SHANK1: variants seen among roughly 807,000 people sequenced by gnomAD.
The protein encoded by SHANK1 is SH3 and multiple ankyrin repeat domains 1, also known as SH3 and multiple ankyrin repeat domains protein 1.
In SHANK1, 35 loss-of-function variants were observed where a neutral mutation model predicts 165.6. That is an observed-to-expected ratio of 0.21 (90% CI 0.16 to 0.28). SHANK1 has a LOEUF of 0.28. Ranked by LOEUF, SHANK1 falls within the 10% of genes least tolerant of loss-of-function variation. The pLI, the probability that SHANK1 is intolerant of heterozygous loss-of-function variation, is 1.00. For synonymous variants in SHANK1, 1,428 were observed against 1,384.8 expected, an observed-to-expected ratio of 1.03 and a Z score of -0.69; for missense variants, 2,681 against 3,036.4, an observed-to-expected ratio of 0.88 and a Z score of 2.75.
In SHANK1 at chr19:50,666,881, G is replaced by A. The variant is rs1047968098; in HGVS notation, c.5079C>T (p.Ser1693=). The A allele has an allele frequency of 1.0e-5, 16 of 1,585,092 alleles. No individual in the cohort carries two copies. The highest frequency in any genetic ancestry group is 1.3e-5 in the African/African-American group (1 of 74,540). ...SSDHPLETIS[S]ASTLSSLSAE... is the part of the protein sequence containing the mutation. Reference sequence around the variant, plus strand: ...CAGATAGGCTGCTCAGCGTGGAGGCGCTGCTGATGGTCTCCAGTGGGTGGT... The same window carrying A: ...CAGATAGGCTGCTCAGCGTGGAGGCACTGCTGATGGTCTCCAGTGGGTGGT... The change falls in exon 23 of 24, where the codon AGC becomes AGT. Residue 1693 remains serine (S), a synonymous_variant. Transcript: ENST00000293441.
At chr19:50,689,046 G>A in intron 16 of SHANK1, 78 bp from the exon 17 acceptor site, 1 of 1,187,168 alleles carries the variant, frequency 8.4e-7, no homozygotes, top group Non-Finnish European at 1.2e-6. Context: ...TCAGACCCAA[G>A]TCACGGAGGC....
In SHANK1 at chr19:50,686,651, G is replaced by A; in HGVS notation, c.2458+93C>T. 8.1e-7 allele frequency: 1 copy of A among 1,229,372 alleles called. No individual in the cohort carries two copies. The highest frequency in any genetic ancestry group is 2.4e-5 in the East Asian group (1 of 41,410). The allele number at this position is 1,229,372 out of a possible 1,614,324, so 76.2% of individuals were successfully genotyped here. A position where few individuals can be genotyped will look rare whatever the true frequency, so the allele number is the denominator to read the frequency against. On this transcript the variant is annotated intron_variant, in intron 20 of 23. Coordinates refer to ENST00000293441, the MANE Select transcript of SHANK1 (RefSeq NM_016148.5). The surrounding 1 kb of genome is among the most constrained non-coding windows in gnomAD (Gnocchi z 5.7). ...CGCAGCCTCTCTGGGGCAGGAAGGTGAGGGGCGCCGTGGGGTTCATGGTGG... is the reference window on the plus strand; with the variant it reads ...CGCAGCCTCTCTGGGGCAGGAAGGTAAGGGGCGCCGTGGGGTTCATGGTGG...
At position 50,713,047 on chromosome 19, in the gene SHANK1, T is replaced by C. The variant is rs1447219335; in HGVS notation, c.792+751A>G. 1.3e-5 allele frequency among the ~76,000 whole-genome samples: 2 copies of C among 151,910 alleles called. No individual in the cohort carries two copies. Among genetic ancestry groups the C allele is most frequent in the African/African-American group, 4.8e-5 (2 of 41,308 alleles). On this transcript the variant is annotated intron_variant, in intron 6 of 23. Transcript: ENST00000293441. This position sits in a 1 kb window ranked among gnomAD's most constrained non-coding sequence, Gnocchi z 6.2. ...TCCAGGGGTATACTGCAGATCTTTG[T>C]GGCTGGCATCTGACTGCATTAGGGG... is the stretch of plus-strand genomic sequence containing the variant.
At chr19:50,704,252 G>T in intron 9 of SHANK1, 66 bp from the exon 10 acceptor site, 2 of 1,518,832 alleles carry the variant, frequency 1.3e-6, no homozygotes, top group Non-Finnish European at 1.8e-6. Context: ...GGCAGGGAAC[G>T]TGGCGAGGTC....
intron 12 of SHANK1, 93 bp from the exon 13 acceptor site, chr19:50,698,049 C>G: frequency 2.2e-6 from 2 of 907,104 alleles, no homozygotes; most frequent in South Asian, 2.9e-5. Context: ...CCCACAGTTA[C>G]CAGCTCCTGG....
At position 50,686,419 on chromosome 19, in the gene SHANK1, C is replaced by A; in HGVS notation, c.2459-64G>T. ...AAATGAAGTTTGCTTTGACCCGGGC[C>A]GCAAAGACCAGAGCTGCCGCCCGCA... is the stretch of plus-strand genomic sequence containing the variant. On this transcript the variant is annotated intron_variant, in intron 20 of 23. Transcript: ENST00000293441. This position sits in a 1 kb window ranked among gnomAD's most constrained non-coding sequence, Gnocchi z 5.7. The A allele has an allele frequency of 1.6e-6, 2 of 1,220,520 alleles. No homozygotes were observed. Among genetic ancestry groups the A allele is most frequent in the South Asian group, 1.4e-5 (1 of 69,928 alleles). The allele number at this position is 1,220,520 out of a possible 1,614,324, so 75.6% of individuals were successfully genotyped here. A position where few individuals can be genotyped will look rare whatever the true frequency, so the allele number is the denominator to read the frequency against.
chr19:50,688,572 C>T lies in SHANK1; in HGVS notation c.2172+272G>A, dbSNP rs907692578. On this transcript the variant is annotated intron_variant, in intron 17 of 23. Transcript: ENST00000293441. This position sits in a 1 kb window ranked among gnomAD's most constrained non-coding sequence, Gnocchi z 6.7. ...ATCCACCTGCTTCAGCCTCCCAAAG[C>T]ACTGGGATCACAGGCGTGAGCCGCT... is the stretch of plus-strand genomic sequence containing the variant. Among the ~76,000 whole-genome samples, 1 of 152,178 alleles carries T rather than the reference C, an allele frequency of 6.6e-6. No homozygotes were observed. The highest frequency in any genetic ancestry group is 1.5e-5 in the Non-Finnish European group (1 of 68,034).
At position 50,716,859 on chromosome 19, in the gene SHANK1, C is replaced by A; in HGVS notation, c.61G>T (p.Glu21Ter). Residue 21 changes from glutamate (E) to a stop codon, truncating the protein, a stop_gained, in exon 2 of 24, where the codon GAG becomes TAG. Transcript: ENST00000293441. LOFTEE classifies it high-confidence loss of function. This position sits in a 1 kb window ranked among gnomAD's most constrained non-coding sequence, Gnocchi z 8.4. Reference protein sequence around the residue: ...EERHSASECPEGGSESDSSPD... With the variant: ...EERHSASECP ...GAGCTGTCGGACTCTGAGCCCCCCT[C>A]GGGACACTCGCTGGCACTGTGGCGT... 6.6e-7 allele frequency: 1 copy of A among 1,523,202 alleles called. No individual in the cohort carries two copies. The highest frequency in any genetic ancestry group is 8.8e-7 in the Non-Finnish European group (1 of 1,137,320). The allele number at this position is 1,523,202 out of a possible 1,614,324, so 94.4% of individuals were successfully genotyped here. A position where few individuals can be genotyped will look rare whatever the true frequency, so the allele number is the denominator to read the frequency against.
chr19:50,687,151 C>A (rs1016411632), intron 19 of SHANK1: 1 of 593,134 alleles, frequency 1.7e-6, no homozygotes, highest in Non-Finnish European at 2.8e-6. Flanking sequence ...TGGGGGCGGT[C>A]AGCTGTCCGA....
Position 50,686,709 on chromosome 19 carries a change from C to T in SHANK1, c.2458+35G>A. On this transcript the variant is annotated intron_variant, in intron 20 of 23. Transcript: ENST00000293441. The surrounding 1 kb of genome is among the most constrained non-coding windows in gnomAD (Gnocchi z 5.7). Reference sequence around the variant, plus strand: ...ATGCAGCGGGTGCCGGGGCTGGGGCCCGGCATCCCGAGGAGCAGGGCTGGG... The same window carrying T: ...ATGCAGCGGGTGCCGGGGCTGGGGCTCGGCATCCCGAGGAGCAGGGCTGGG... 6 of 1,602,954 alleles carry T rather than the reference C, an allele frequency of 3.7e-6. No individual in the cohort carries two copies. The highest frequency in any genetic ancestry group is 4.3e-6 in the Non-Finnish European group (5 of 1,171,512).
chr19:50,681,479 G>A (rs1986177843), intron 21 of SHANK1, among the ~76,000 whole-genome samples: 1 of 152,142 alleles, frequency 6.6e-6, no homozygotes, highest in Non-Finnish European at 1.5e-5. Context: ...CTCCTCTGGG[G>A]GTGGAGGTCT....
chr19:50,674,632 T>TAGCCA (rs1186652428), intron 21 of SHANK1, among the ~76,000 whole-genome samples: 3 of 152,144 alleles, frequency 2.0e-5, no homozygotes, highest in Non-Finnish European at 4.4e-5. Flanking sequence ...GAGCAGCCAC[T>TAGCCA]AGCCATTCAA....
intron 21 of SHANK1, among the ~76,000 whole-genome samples, chr19:50,675,359 G>A (rs369240766): frequency 5.3e-5 from 8 of 152,322 alleles, no homozygotes; most frequent in African/African-American, 1.9e-4. Context: ...GTGGCTGGTG[G>A]CTACCAAATT....
At chr19:50,694,063 A>G (rs978347513) in intron 15 of SHANK1, among the ~76,000 whole-genome samples, 1 of 133,850 alleles carries the variant, frequency 7.5e-6, no homozygotes, top group African/African-American at 2.8e-5. Flanking sequence ...ACACACACAC[A>G]GTCCCAGACA....
chr19:50,676,399 G>A (rs932947827), intron 21 of SHANK1, among the ~76,000 whole-genome samples: 2 of 152,174 alleles, frequency 1.3e-5, no homozygotes, highest in African/African-American at 4.8e-5. Flanking sequence ...ATAATGATGT[G>A]TAGAGGAACA....
At chr19:50,704,593 G>A in intron 8 of SHANK1, 79 bp from the exon 9 acceptor site, 1 of 1,270,384 alleles carries the variant, frequency 7.9e-7, no homozygotes, top group Non-Finnish European at 1.1e-6. Context: ...CAGGTTCTGT[G>A]CTAAGAGCCT....
At chr19:50,703,134 C>T (rs1397708047) in intron 11 of SHANK1, among the ~76,000 whole-genome samples, 1 of 151,958 alleles carries the variant, frequency 6.6e-6, no homozygotes, top group East Asian at 1.9e-4. Context: ...CTTCCTCATC[C>T]TCCCTCCAGA....
intron 21 of SHANK1, among the ~76,000 whole-genome samples, chr19:50,679,263 G>A (rs548142801): frequency 4.4e-4 from 67 of 150,700 alleles, no homozygotes; most frequent in African/African-American, 1.6e-3. Context: ...CAGGGAACTG[G>A]TTAGAGTGAG....
At chr19:50,706,302 G>T (rs549925351) in intron 8 of SHANK1, among the ~76,000 whole-genome samples, 26 of 152,190 alleles carry the variant, frequency 1.7e-4, no homozygotes, top group Non-Finnish European at 2.6e-4. Flanking sequence ...GACACACATT[G>T]TGGAGGAAAG....
Sources: gnomAD v4.1 joint callset for allele counts (sites outside exome capture counted in the v4.1 genomes callset) on GRCh38, gnomAD v4.1.1 for gene constraint, Gnocchi (gnomAD v3.1) non-coding constraint, MANE v1.5 for transcripts, NCBI Gene and HGNC (gene_info 2026-07-23, HGNC 2026-07-21) for gene names.